SRGAP1: variants seen among roughly 807,000 people sequenced by gnomAD.
SRGAP1 encodes SLIT-ROBO Rho GTPase activating protein 1.
A neutral mutation model predicts 121.9 loss-of-function variants in SRGAP1; 43 were observed. The observed-to-expected ratio is 0.35, with a 90% CI of 0.28 to 0.46. The LOEUF (loss-of-function observed/expected upper bound fraction) is 0.46, where lower values mean the gene tolerates loss of function less well. Among genes scored for constraint, SRGAP1 ranks in the 20% least tolerant of loss-of-function variants. The pLI is 1.00. For missense variants in SRGAP1, 1,102 were observed against 1,350.9 expected, an observed-to-expected ratio of 0.82 and a Z score of 2.89; for synonymous variants, 447 against 485.4, an observed-to-expected ratio of 0.92 and a Z score of 1.04.
chr12:64,121,517 A>C (rs2036605992), intron 18 of SRGAP1, among the ~76,000 whole-genome samples: 1 of 151,986 alleles, frequency 6.6e-6, no homozygotes, highest in Non-Finnish European at 1.5e-5. Context: ...AGCCTCCCAA[A>C]ATGCTGGGAT....
intron 1 of SRGAP1, among the ~76,000 whole-genome samples, chr12:63,945,124 A>G (rs1379521087): frequency 6.6e-6 from 1 of 151,814 alleles, no homozygotes; most frequent in African/African-American, 2.4e-5. Context: ...CTTTCTGCCC[A>G]CCCCTCCCCA....
intron 1 of SRGAP1, among the ~76,000 whole-genome samples, chr12:63,925,064 A>G (rs73113995): frequency 0.034 from 5,192 of 152,236 alleles, 110 homozygotes; most frequent in Non-Finnish European, 0.047. Context: ...ATGTTATCCA[A>G]TGTGTCCATA....
At chr12:64,048,352 A>G (rs935452768) in intron 6 of SRGAP1, among the ~76,000 whole-genome samples, 10 of 152,166 alleles carry the variant, frequency 6.6e-5, no homozygotes, top group African/African-American at 2.4e-4. Context: ...TCATGGCCGA[A>G]TAGAACTCCA....
chr12:63,963,080 C>T (rs1426366926), intron 1 of SRGAP1, among the ~76,000 whole-genome samples: 1 of 151,950 alleles, frequency 6.6e-6, no homozygotes, highest in Non-Finnish European at 1.5e-5. Context: ...TTTTTGTTTG[C>T]TTACTTTCTA....
Position 64,016,957 on chromosome 12 carries a change from A to G in SRGAP1, c.434A>G (p.Glu145Gly). 1 of 1,525,374 alleles carries G rather than the reference A, an allele frequency of 6.6e-7. No homozygotes were observed. The highest frequency in any genetic ancestry group is 9.0e-7 in the Non-Finnish European group (1 of 1,107,150). 94.5% of individuals were successfully genotyped at this position (1,525,374 alleles called of 1,614,324 possible). A position where few individuals can be genotyped will look rare whatever the true frequency, so the allele number is the denominator to read the frequency against. ...TTTATTTTCTAATTACAGAGCAAAG[A>G]GATTGCATTCCAACTTCATGAGGAT... The part of the protein sequence containing the change: ...DSTRMFKKSK[E>G]IAFQLHEDLM... Residue 145 changes from glutamate (E) to glycine (G), a missense_variant, in exon 4 of 22, where the codon GAG (glutamate) becomes GGG (glycine). Glu to Gly is a moderately conservative substitution (Grantham distance 98, BLOSUM62 -2). Coordinates refer to ENST00000355086, the MANE Select transcript of SRGAP1 (RefSeq NM_020762.4).
At chr12:63,871,926 T>A in intron 1 of SRGAP1, 1 of 1,353,778 alleles carries the variant, frequency 7.4e-7, no homozygotes, top group South Asian at 1.2e-5. Flanking sequence ...ATAGCCACTC[T>A]GCTTCTGATC....
At position 64,160,974 on chromosome 12, in the gene SRGAP1, TA is replaced by T. The variant is rs1360860246; in HGVS notation, c.*18304del. On this transcript the variant is annotated 3_prime_UTR_variant, in exon 22 of 22. Coordinates refer to ENST00000355086, the MANE Select transcript of SRGAP1 (RefSeq NM_020762.4). ...GTATGTTCTTTTTTTTCCCTATACA[TA>T]ATTTACTATTGCATGTTTTTCTCAG... 6.6e-6 allele frequency: 1 copy of T among 152,178 alleles called. No homozygotes were observed. Among genetic ancestry groups the T allele is most frequent in the African/African-American group, 2.4e-5 (1 of 41,446 alleles). The allele number at this position is 152,178 out of a possible 1,614,324, so 9.4% of individuals were successfully genotyped here. A position where few individuals can be genotyped will look rare whatever the true frequency, so the allele number is the denominator to read the frequency against.
intron 1 of SRGAP1, among the ~76,000 whole-genome samples, chr12:63,941,160 A>G (rs558131157): frequency 7.7e-4 from 117 of 151,600 alleles, no homozygotes; most frequent in Non-Finnish European, 1.3e-3. Context: ...TCTTTAATAT[A>G]TATTTAATAT....
intron 1 of SRGAP1, among the ~76,000 whole-genome samples, chr12:63,932,333 A>G (rs1444408499): frequency 1.3e-5 from 2 of 152,194 alleles, no homozygotes. Flanking sequence ...GAATGTGTCA[A>G]ATCAAACACA....
chr12:64,079,230 T>C lies in SRGAP1; in HGVS notation c.1323+114T>C, dbSNP rs373986429. ...GGTTCCTTTTGTTAAAATAGACTCC[T>C]GTCTACCATCAGAGTTCCTGATTCA... On this transcript the variant is annotated intron_variant, in intron 9 of 21. Coordinates refer to ENST00000355086, the MANE Select transcript of SRGAP1 (RefSeq NM_020762.4). The C allele has an allele frequency of 7.3e-5, 81 of 1,104,836 alleles. No individual in the cohort carries two copies. The African/African-American group carries it at 1.2e-3, about 16-fold the overall frequency. 68.4% of individuals were successfully genotyped at this position (1,104,836 alleles called of 1,614,324 possible).
intron 8 of SRGAP1, among the ~76,000 whole-genome samples, chr12:64,073,472 T>C (rs1176899041): frequency 6.6e-6 from 1 of 152,192 alleles, no homozygotes; most frequent in Non-Finnish European, 1.5e-5. Flanking sequence ...CAGATTACAG[T>C]TGTCCCTTGG....
intron 1 of SRGAP1, among the ~76,000 whole-genome samples, chr12:63,952,028 G>C (rs1278024719): frequency 6.6e-6 from 1 of 152,034 alleles, no homozygotes. Context: ...CTCACCTATG[G>C]CTCATGCAGA....
chr12:63,862,391 C>T (rs535790470), intron 1 of SRGAP1, among the ~76,000 whole-genome samples: 5 of 152,228 alleles, frequency 3.3e-5, no homozygotes, highest in Admixed American at 3.3e-4. Flanking sequence ...AACATTCCAG[C>T]AGTTCTTAAA....
At chr12:64,008,762 A>G (rs922181625) in intron 3 of SRGAP1, among the ~76,000 whole-genome samples, 1 of 152,168 alleles carries the variant, frequency 6.6e-6, no homozygotes, top group African/African-American at 2.4e-5. Context: ...GAACTTCAAT[A>G]TCTCAAAGAA....
At chr12:63,970,232 G>A (rs1022863208) in intron 1 of SRGAP1, among the ~76,000 whole-genome samples, 7 of 152,196 alleles carry the variant, frequency 4.6e-5, no homozygotes, top group Non-Finnish European at 8.8e-5. Flanking sequence ...GCGTAATTAG[G>A]GGGAGAGGTG....
chr12:63,849,189 A>G (rs1034974422), intron 1 of SRGAP1, among the ~76,000 whole-genome samples: 2 of 152,228 alleles, frequency 1.3e-5, no homozygotes, highest in Non-Finnish European at 2.9e-5. Flanking sequence ...TGAAACCCAA[A>G]CCAGTTGACT....
chr12:64,125,259 TG>T, intron 18 of SRGAP1, among the ~76,000 whole-genome samples: 1 of 152,362 alleles, frequency 6.6e-6, no homozygotes, highest in Non-Finnish European at 1.5e-5. Context: ...ATCATTCCCT[TG>T]AATATCTTTT....
chr12:64,030,790 A>G (rs1593060536), intron 4 of SRGAP1, among the ~76,000 whole-genome samples: 1 of 152,194 alleles, frequency 6.6e-6, no homozygotes, highest in East Asian at 1.9e-4. Flanking sequence ...TCCCTGTATA[A>G]GGTTCATCAA....
At chr12:63,886,501 T>A (rs944444878) in intron 1 of SRGAP1, among the ~76,000 whole-genome samples, 4 of 152,246 alleles carry the variant, frequency 2.6e-5, no homozygotes, top group Middle Eastern at 3.4e-3. Flanking sequence ...TTTATTTTTT[T>A]AAGACAGTCT....
Sources: gnomAD v4.1 joint callset for allele counts (sites outside exome capture counted in the v4.1 genomes callset) on GRCh38, gnomAD v4.1.1 for gene constraint, MANE v1.5 for transcripts, NCBI Gene and HGNC (gene_info 2026-07-23, HGNC 2026-07-21) for gene names.